Variants in FARS2 observed in about 807,000 individuals in gnomAD.
FARS2 encodes phenylalanine--tRNA ligase, mitochondrial.
A neutral mutation model predicts 46.4 loss-of-function variants in FARS2; 40 were observed. That is an observed-to-expected ratio of 0.86 (90% CI 0.67 to 1.12). The LOEUF is 1.12. Ranked by LOEUF, FARS2 falls within the 50% of genes most tolerant of loss-of-function variation. FARS2 has a pLI of 0.00. For synonymous variants in FARS2, 234 were observed against 214.9 expected (o/e 1.09, Z -0.78); for missense variants, 513 against 567.9 (o/e 0.90, Z 0.98).
intron 6 of FARS2, among the ~76,000 whole-genome samples, chr6:5,700,620 A>T (rs1279189361): frequency 1.3e-5 from 2 of 151,882 alleles, no homozygotes; most frequent in Non-Finnish European, 2.9e-5. Flanking sequence ...CTGGTCTCGA[A>T]CTCCGGACTT....
chr6:5,326,504 A>G (rs1307978695), intron 1 of FARS2, among the ~76,000 whole-genome samples: 2 of 152,046 alleles, frequency 1.3e-5, no homozygotes, highest in East Asian at 1.9e-4. Context: ...TCCGAGATCC[A>G]CCTACAGGTA....
At chr6:5,386,342 C>T (rs754755912) in intron 2 of FARS2, among the ~76,000 whole-genome samples, 5 of 151,228 alleles carry the variant, frequency 3.3e-5, no homozygotes, top group South Asian at 2.1e-4. Context: ...GAAGGAAGCA[C>T]GAACTGCTTC....
intron 6 of FARS2, 133 bp from the exon 7 acceptor site, chr6:5,771,158 G>A (rs571337251): frequency 6.6e-5 from 59 of 897,630 alleles, no homozygotes; most frequent in East Asian, 2.4e-4. Flanking sequence ...GATTGTTAGC[G>A]GTAAATGGTA....
chr6:5,259,075 G>T (rs1764814157), upstream of FARS2, among the ~76,000 whole-genome samples: 1 of 141,896 alleles, frequency 7.0e-6, no homozygotes. Context: ...GAGATTGAGA[G>T]ACTTGTCCAA....
intron 2 of FARS2, 65 bp downstream of exon 2, chr6:5,369,247 C>G (rs1758885471): frequency 6.6e-7 from 1 of 1,505,558 alleles, no homozygotes; most frequent in Non-Finnish European, 9.0e-7. Flanking sequence ...AGGTCACTAA[C>G]ATTTAGCTCG....
At chr6:5,715,684 T>C (rs6935701) in intron 6 of FARS2, among the ~76,000 whole-genome samples, 145,421 of 152,330 alleles carry the variant, frequency 0.95, 69,458 homozygotes, top group East Asian at 1. Flanking sequence ...CATAGTAGTT[T>C]ATTGTATGAA....
At chr6:5,480,850 A>C (rs1329258768) in intron 4 of FARS2, among the ~76,000 whole-genome samples, 1 of 152,194 alleles carries the variant, frequency 6.6e-6, no homozygotes, top group Non-Finnish European at 1.5e-5. Flanking sequence ...ATAGTGTCAT[A>C]ATGGATGTCT....
At chr6:5,389,551 A>G (rs1483139495) in intron 2 of FARS2, among the ~76,000 whole-genome samples, 1 of 152,222 alleles carries the variant, frequency 6.6e-6, no homozygotes, top group African/African-American at 2.4e-5. Flanking sequence ...GTGCAGAGCA[A>G]GAATGTCCTG....
At chr6:5,327,057 G>A (rs921382154) in intron 1 of FARS2, among the ~76,000 whole-genome samples, 37 of 152,282 alleles carry the variant, frequency 2.4e-4, no homozygotes, top group South Asian at 8.3e-4. Context: ...GCTGGCAATA[G>A]CTGCTCCTTA....
intron 6 of FARS2, among the ~76,000 whole-genome samples, chr6:5,762,366 C>T (rs1324160141): frequency 6.6e-6 from 1 of 152,162 alleles, no homozygotes; most frequent in Non-Finnish European, 1.5e-5. Context: ...AGTGGTAAAG[C>T]TGGGCGAGTC....
At chr6:5,755,720 T>C (rs1017037887) in intron 6 of FARS2, among the ~76,000 whole-genome samples, 1 of 152,232 alleles carries the variant, frequency 6.6e-6, no homozygotes, top group Non-Finnish European at 1.5e-5. Flanking sequence ...CTTGAGGTTA[T>C]GTTCATTGGA....
At chr6:5,398,333 T>G (rs1408069290) in intron 2 of FARS2, among the ~76,000 whole-genome samples, 2 of 152,222 alleles carry the variant, frequency 1.3e-5, no homozygotes, top group Admixed American at 6.5e-5. Flanking sequence ...TTTATTTAAT[T>G]ATTTATATCA....
intron 1 of FARS2, among the ~76,000 whole-genome samples, chr6:5,313,674 C>G (rs1002277429): frequency 6.6e-6 from 1 of 151,860 alleles, no homozygotes; most frequent in Non-Finnish European, 1.5e-5. Flanking sequence ...CTAGGTGGAG[C>G]CTTAGATGTA....
chr6:5,472,857 G>C (rs964525097), intron 4 of FARS2, among the ~76,000 whole-genome samples: 1 of 152,062 alleles, frequency 6.6e-6, no homozygotes, highest in African/African-American at 2.4e-5. Context: ...GTTTATTTGG[G>C]TGGAAGAAAT....
chr6:5,573,860 G>A (rs1772801920), intron 5 of FARS2, among the ~76,000 whole-genome samples: 1 of 152,146 alleles, frequency 6.6e-6, no homozygotes, highest in Non-Finnish European at 1.5e-5. Context: ...CACAGTGTCT[G>A]GGTCCTATCA....
At chr6:5,586,424 CT>C (rs774920656) in intron 5 of FARS2, among the ~76,000 whole-genome samples, 2 of 152,006 alleles carry the variant, frequency 1.3e-5, no homozygotes, top group Non-Finnish European at 2.9e-5. Flanking sequence ...TTGTCAAATC[CT>C]TTTTCTACCT....
chr6:5,729,407 C>T (rs1760483613), intron 6 of FARS2, among the ~76,000 whole-genome samples: 1 of 152,038 alleles, frequency 6.6e-6, no homozygotes, highest in African/African-American at 2.4e-5. Flanking sequence ...GCGTGGACGT[C>T]CCAGAGAGCA....
At chr6:5,391,304 C>T (rs72815688) in intron 2 of FARS2, among the ~76,000 whole-genome samples, 2,243 of 152,276 alleles carry the variant, frequency 0.015, 18 homozygotes, top group African/African-American at 0.021. Context: ...TTGAACCTCA[C>T]TAAGCCTCAG....
intron 6 of FARS2, among the ~76,000 whole-genome samples, chr6:5,673,449 A>G (rs1778586156): frequency 6.6e-6 from 1 of 152,192 alleles, no homozygotes; most frequent in Non-Finnish European, 1.5e-5. Flanking sequence ...TGGTGCAAGT[A>G]TCTGAGGAAG....
Sources: gnomAD v4.1 joint callset for allele counts (sites outside exome capture counted in the v4.1 genomes callset) on GRCh38, gnomAD v4.1.1 for gene constraint, MANE v1.5 for transcripts, NCBI Gene and HGNC (gene_info 2026-07-23, HGNC 2026-07-21) for gene names.